The following SLIT1 variants were observed in gnomAD, a reference collection of about 807,000 sequenced individuals.
The protein encoded by SLIT1 is slit guidance ligand 1, also known as slit homolog 1 protein.
A neutral mutation model predicts 186.1 loss-of-function variants in SLIT1; 66 were observed. That is an observed-to-expected ratio of 0.35 (90% CI 0.29 to 0.44). The LOEUF (loss-of-function observed/expected upper bound fraction) is 0.44. Ranked by LOEUF, SLIT1 falls within the 20% of genes least tolerant of loss-of-function variation. The probability of loss-of-function intolerance (pLI) is 1.00; values close to 1 mark genes in which losing one functional copy is unlikely to be tolerated. For synonymous variants in SLIT1, 761 were observed against 833.8 expected (o/e 0.91, Z 1.50); for missense variants, 1,638 against 2,037.4 (o/e 0.80, Z 3.77).
At chr10:97,108,345 AAGG>A (rs1269733730) in intron 4 of SLIT1, among the ~76,000 whole-genome samples, 11 of 152,212 alleles carry the variant, frequency 7.2e-5, no homozygotes, top group Non-Finnish European at 4.4e-5. Context: ...TCTGTGAAAA[AAGG>A]AGAGTAACAG....
chr10:97,083,320 A>G (rs187127763), intron 4 of SLIT1, among the ~76,000 whole-genome samples: 3 of 152,328 alleles, frequency 2.0e-5, no homozygotes, highest in Admixed American at 1.3e-4. Flanking sequence ...AACCTGCCTA[A>G]CTGCAGAACC....
intron 4 of SLIT1, among the ~76,000 whole-genome samples, chr10:97,133,232 G>A (rs761785292): frequency 4.6e-5 from 7 of 152,150 alleles, no homozygotes; most frequent in East Asian, 1.9e-4. Flanking sequence ...AGGACATTAC[G>A]CTAAGTGAAA....
At chr10:97,173,478 G>A (rs1368140372) in intron 1 of SLIT1, among the ~76,000 whole-genome samples, 1 of 150,600 alleles carries the variant, frequency 6.6e-6, no homozygotes, top group Non-Finnish European at 1.5e-5. Context: ...GCCTGGGCTG[G>A]AATCCCAGCT....
intron 28 of SLIT1, 136 bp from the exon 29 acceptor site, chr10:97,014,294 G>T (rs998672676): frequency 3.1e-6 from 3 of 955,152 alleles, no homozygotes; most frequent in Non-Finnish European, 4.8e-6. Flanking sequence ...TGCTGGGTAG[G>T]GTTAGAGGTG....
At chr10:97,098,263 G>A (rs546824787) in intron 4 of SLIT1, among the ~76,000 whole-genome samples, 85 of 152,320 alleles carry the variant, frequency 5.6e-4, no homozygotes, top group Non-Finnish European at 8.5e-4. Flanking sequence ...GCTATGGGCC[G>A]GACATGTGCT....
intron 4 of SLIT1, among the ~76,000 whole-genome samples, chr10:97,128,094 C>T (rs1243064305): frequency 6.6e-6 from 1 of 152,164 alleles, no homozygotes; most frequent in South Asian, 2.1e-4. Flanking sequence ...CTTGCATTGA[C>T]GCCTTCTTCC....
chr10:97,020,089 C>T (rs1564655013), intron 26 of SLIT1, among the ~76,000 whole-genome samples: 1 of 152,024 alleles, frequency 6.6e-6, no homozygotes. Flanking sequence ...ATCTTTCCAT[C>T]TCCACCCAGT....
chr10:97,071,406 G>A (rs1380228043), intron 4 of SLIT1, among the ~76,000 whole-genome samples: 1 of 152,198 alleles, frequency 6.6e-6, no homozygotes, highest in African/African-American at 2.4e-5. Context: ...AGCCTGGGAA[G>A]GAACGCTGGG....
chr10:97,185,363 G>C, intron 1 of SLIT1, 115 bp downstream of exon 1: 1 of 1,026,164 alleles, frequency 9.7e-7, no homozygotes, highest in South Asian at 1.6e-5. Context: ...CCGTCTGTGG[G>C]CTGCGGAGCC....
Position 97,181,703 on chromosome 10 carries a change from C to T in SLIT1, c.197+3775G>A, listed in dbSNP as rs936809787. On this transcript the variant is annotated intron_variant, in intron 1 of 36. Coordinates refer to ENST00000266058, the MANE Select transcript of SLIT1 (RefSeq NM_003061.3). The stretch of plus-strand genomic sequence containing the variant: ...TCTACAAAAAAGGAAAAAAAAAGAC[C>T]AGACAAGCAGCAGAATGTGCTGGGC... 2.6e-5 allele frequency among the ~76,000 whole-genome samples: 4 copies of T among 152,224 alleles called. No homozygotes were observed. The East Asian group carries it at 7.7e-4, about 29-fold the overall frequency.
intron 4 of SLIT1, among the ~76,000 whole-genome samples, chr10:97,131,741 T>G (rs1849656274): frequency 6.6e-6 from 1 of 152,236 alleles, no homozygotes; most frequent in Non-Finnish European, 1.5e-5. Flanking sequence ...CCCATTTGTT[T>G]TCCGGTAGTC....
chr10:97,060,509 G>A, intron 9 of SLIT1, 131 bp downstream of exon 9: 1 of 1,139,526 alleles, frequency 8.8e-7, no homozygotes, highest in Non-Finnish European at 1.2e-6. Flanking sequence ...GAGGCAAACT[G>A]TGTCTTCTCT....
chr10:97,180,173 T>TG (rs1269219440), intron 1 of SLIT1, among the ~76,000 whole-genome samples: 1 of 152,248 alleles, frequency 6.6e-6, no homozygotes, highest in African/African-American at 2.4e-5. Context: ...AGGGCCACCC[T>TG]GGGATCCAGC....
chr10:97,014,039 T>C lies in SLIT1; in HGVS notation c.3089A>G (p.Gln1030Arg), dbSNP rs753416251. 1 of 1,613,638 alleles carries C rather than the reference T, an allele frequency of 6.2e-7. No individual in the cohort carries two copies. Among genetic ancestry groups the C allele is most frequent in the East Asian group, 2.2e-5 (1 of 44,878 alleles). Residue 1030 changes from glutamine (Q) to arginine (R), a missense_variant, in exon 29 of 37, where the codon CAG becomes CGG. Around this residue, in one of 3 missense-constraint regions of SLIT1, gnomAD observed 1,245 missense variants for 1,535.3 expected, o/e 0.81. Coordinates refer to ENST00000266058, the MANE Select transcript of SLIT1 (RefSeq NM_003061.3). ...CTTACCCTCATACTGCAGGGGGCAC[T>C]GGCAGGTGTAGTTGCCCACACCATC... ...CVDGVGNYTCQCPLQYEGKAC... is the reference protein window; with the variant it reads ...CVDGVGNYTCRCPLQYEGKAC...
intron 4 of SLIT1, among the ~76,000 whole-genome samples, chr10:97,117,544 C>T (rs1199006884): frequency 2.6e-5 from 4 of 152,112 alleles, no homozygotes; most frequent in Non-Finnish European, 4.4e-5. Flanking sequence ...AGGAACAACC[C>T]TTGAGGCTCT....
At chr10:97,098,860 G>A (rs978127373) in intron 4 of SLIT1, among the ~76,000 whole-genome samples, 6 of 152,192 alleles carry the variant, frequency 3.9e-5, no homozygotes, top group Non-Finnish European at 7.3e-5. Flanking sequence ...ATGCCTGGGG[G>A]CATGGAGGGC....
At chr10:97,137,647 T>C (rs1849715659) in intron 4 of SLIT1, among the ~76,000 whole-genome samples, 1 of 152,078 alleles carries the variant, frequency 6.6e-6, no homozygotes, top group African/African-American at 2.4e-5. Context: ...TTCAGGGACA[T>C]AATCTCGGCT....
At chr10:97,120,983 C>T (rs1009536509) in intron 4 of SLIT1, among the ~76,000 whole-genome samples, 5 of 152,150 alleles carry the variant, frequency 3.3e-5, no homozygotes, top group Non-Finnish European at 7.4e-5. Flanking sequence ...TTCTCTCTCC[C>T]GGTTCTGTCC....
chr10:97,065,707 G>A (rs747255053), intron 5 of SLIT1: 10 of 285,540 alleles, frequency 3.5e-5, no homozygotes, highest in East Asian at 6.6e-5. Context: ...AATATGAGGC[G>A]GGCACAGACA....
Sources: gnomAD v4.1 joint callset for allele counts (sites outside exome capture counted in the v4.1 genomes callset) on GRCh38, gnomAD v4.1.1 for gene constraint, gnomAD v4.1.1 regional missense constraint, MANE v1.5 for transcripts, NCBI Gene and HGNC (gene_info 2026-07-23, HGNC 2026-07-21) for gene names.